KLF17: variants seen among roughly 807,000 people sequenced by gnomAD.
The protein encoded by KLF17 is Krueppel-like factor 17.
KLF17 carries 31 observed loss-of-function variants against 34.2 expected under a neutral mutation model. That is an observed-to-expected ratio of 0.91 (90% CI 0.68 to 1.22). The LOEUF (loss-of-function observed/expected upper bound fraction) is 1.22. Among genes scored for constraint, KLF17 ranks in the 50% most tolerant of loss-of-function variants. The pLI is 0.00. For missense variants in KLF17, 478 were observed against 505.2 expected (o/e 0.95, Z 0.52); for synonymous variants, 179 against 186.7 (o/e 0.96, Z 0.34).
chr1:44,050,109 G>C, the KLF17 span, among the ~76,000 whole-genome samples: 1 of 152,156 alleles, frequency 6.6e-6, no homozygotes, highest in Admixed American at 6.5e-5. Context: ...AGATAGCATC[G>C]CATGGTTTTA....
chr1:44,080,440 A>G, the KLF17 span, among the ~76,000 whole-genome samples: 252 of 150,998 alleles, frequency 1.7e-3, 1 homozygote, highest in African/African-American at 4.4e-3. Context: ...GGGTTTCACC[A>G]TGTTAGCCAG....
the KLF17 span, among the ~76,000 whole-genome samples, chr1:44,095,113 G>A: frequency 6.6e-6 from 1 of 151,596 alleles, no homozygotes; most frequent in East Asian, 1.9e-4. Flanking sequence ...GTGTTAGCCA[G>A]GATGGTCTCA....
chr1:44,050,157 G>A, the KLF17 span, among the ~76,000 whole-genome samples: 1 of 152,218 alleles, frequency 6.6e-6, no homozygotes, highest in African/African-American at 2.4e-5. Flanking sequence ...CACCAGCAAT[G>A]TGTGAGTTCA....
chr1:44,104,754 C>T, the KLF17 span: 2 of 281,570 alleles, frequency 7.1e-6, no homozygotes, highest in South Asian at 1.0e-4. Context: ...TCATCAATAG[C>T]ATAATTGAGA....
At chr1:44,119,832 G>A (rs2087926545) in intron 1 of KLF17, among the ~76,000 whole-genome samples, 1 of 152,220 alleles carries the variant, frequency 6.6e-6, no homozygotes, top group African/African-American at 2.4e-5. Flanking sequence ...CCATTGATGA[G>A]TTTAAACATA....
At chr1:44,108,660 CTTTTTTTTTT>C in the KLF17 span, among the ~76,000 whole-genome samples, 10 of 75,344 alleles carry the variant, frequency 1.3e-4, 1 homozygote, top group South Asian at 1.2e-3. Context: ...TTTGTTAGCT[CTTTTTTTTTT>C]TTTTTTTTTT....
At chr1:44,090,579 T>A in the KLF17 span, among the ~76,000 whole-genome samples, 1 of 151,994 alleles carries the variant, frequency 6.6e-6, no homozygotes, top group Non-Finnish European at 1.5e-5. Flanking sequence ...GGCCAAAGAT[T>A]GATCTGAAAT....
At chr1:44,125,717 T>A (rs2087999565) in intron 1 of KLF17, among the ~76,000 whole-genome samples, 2 of 152,178 alleles carry the variant, frequency 1.3e-5, no homozygotes, top group South Asian at 4.1e-4. Flanking sequence ...ATCCACCTGC[T>A]TCAGCCTCCC....
rs1481298305 is a variant in KLF17 at position 44,129,742 on chromosome 1, G to A, written c.471G>A (p.Gly157=). The change falls in exon 2 of 4, where the codon GGG becomes GGA. Residue 157 remains glycine (G), a synonymous_variant. Coordinates refer to ENST00000372299, the MANE Select transcript of KLF17 (RefSeq NM_173484.4). ...FGGNLRMPPN[G]LPVSASTGIP... Reference sequence around the variant, plus strand: ...GGAATCTAAGGATGCCCCCCAATGGGCTGCCAGTCTCGGCTTCCACTGGAA... The same window carrying A: ...GGAATCTAAGGATGCCCCCCAATGGACTGCCAGTCTCGGCTTCCACTGGAA... 2 of 1,614,034 alleles carry A rather than the reference G, an allele frequency of 1.2e-6. No individual in the cohort carries two copies. The highest frequency in any genetic ancestry group is 1.7e-6 in the Non-Finnish European group (2 of 1,180,038).
At chr1:44,123,915 CT>C (rs199558253) in intron 1 of KLF17, among the ~76,000 whole-genome samples, 4,033 of 145,368 alleles carry the variant, frequency 0.028, 113 homozygotes, top group East Asian at 0.08. Flanking sequence ...TGTATGATAC[CT>C]TTTTTTTTTT....
the KLF17 span, among the ~76,000 whole-genome samples, chr1:44,074,646 A>G: frequency 1.6e-4 from 24 of 152,228 alleles, no homozygotes; most frequent in Admixed American, 3.3e-4. Context: ...ATATTTCACG[A>G]ACCAGCACTA....
At chr1:44,049,183 C>T in the KLF17 span, among the ~76,000 whole-genome samples, 24 of 152,122 alleles carry the variant, frequency 1.6e-4, no homozygotes, top group Admixed American at 6.5e-4. Flanking sequence ...TCTCTGGTCT[C>T]TTCTTATAAG....
At chr1:44,110,096 G>A in the KLF17 span, among the ~76,000 whole-genome samples, 1 of 151,774 alleles carries the variant, frequency 6.6e-6, no homozygotes, top group South Asian at 2.1e-4. Flanking sequence ...TACTAGAGAC[G>A]GGGTTTCACC....
At chr1:44,084,176 G>A in the KLF17 span, among the ~76,000 whole-genome samples, 1 of 152,172 alleles carries the variant, frequency 6.6e-6, no homozygotes, top group Non-Finnish European at 1.5e-5. Flanking sequence ...AAGACATCTG[G>A]CCATTTTGGT....
chr1:44,085,276 T>C, the KLF17 span, among the ~76,000 whole-genome samples: 1 of 152,158 alleles, frequency 6.6e-6, no homozygotes, highest in Admixed American at 6.6e-5. Flanking sequence ...TTATATGTTA[T>C]GTTAGGTCAC....
chr1:44,083,135 A>T, the KLF17 span, among the ~76,000 whole-genome samples: 2 of 151,538 alleles, frequency 1.3e-5, no homozygotes, highest in Middle Eastern at 6.8e-3. Context: ...TTTTGTAGAG[A>T]TGAGGCCTTG....
At chr1:44,103,004 G>A in the KLF17 span, among the ~76,000 whole-genome samples, 5 of 152,268 alleles carry the variant, frequency 3.3e-5, no homozygotes, top group Non-Finnish European at 4.4e-5. Context: ...TGGCATGTTC[G>A]CCAGAATGCT....
At chr1:44,092,146 C>T in the KLF17 span, among the ~76,000 whole-genome samples, 1 of 151,798 alleles carries the variant, frequency 6.6e-6, no homozygotes. Context: ...GGTTCGAGAC[C>T]AGCCTGACCA....
At chr1:44,086,769 T>C in the KLF17 span, among the ~76,000 whole-genome samples, 1 of 152,182 alleles carries the variant, frequency 6.6e-6, no homozygotes, top group Non-Finnish European at 1.5e-5. Flanking sequence ...TTGGTGAATT[T>C]GATGGCTGTG....
Sources: allele counts gnomAD v4.1 joint callset (sites outside exome capture counted in the v4.1 genomes callset), GRCh38; gene constraint gnomAD v4.1.1; transcripts MANE v1.5; gene names NCBI Gene and HGNC (gene_info 2026-07-23, HGNC 2026-07-21).